RFTN1: variants seen among roughly 807,000 people sequenced by gnomAD.
RFTN1 encodes raftlin, lipid raft linker 1.
In RFTN1, 26 loss-of-function variants were observed where a neutral mutation model predicts 46.5. That is an observed-to-expected ratio of 0.56 (90% CI 0.41 to 0.78). The LOEUF (loss-of-function observed/expected upper bound fraction) is 0.78, where lower values mean the gene tolerates loss of function less well. RFTN1 is among the 30% of genes least tolerant of loss of function. The probability of loss-of-function intolerance (pLI) is 0.00; values close to 1 mark genes in which losing one functional copy is unlikely to be tolerated. For synonymous variants in RFTN1, 261 were observed against 284.2 expected (o/e 0.92, Z 0.82); for missense variants, 693 against 718.7 (o/e 0.96, Z 0.41).
At chr3:16,350,715 G>C (rs1259371029) in intron 7 of RFTN1, among the ~76,000 whole-genome samples, 1 of 152,152 alleles carries the variant, frequency 6.6e-6, no homozygotes, top group Non-Finnish European at 1.5e-5. Flanking sequence ...GGAGGGGTTT[G>C]GGTGTTGATT....
intron 6 of RFTN1, among the ~76,000 whole-genome samples, chr3:16,367,120 G>A (rs2073235412): frequency 8.0e-6 from 1 of 125,548 alleles, no homozygotes; most frequent in Admixed American, 7.6e-5. Flanking sequence ...ATGACCCTGT[G>A]GAAAATATTT....
rs1344991462 is a variant in RFTN1, at chr3:16,321,820, A to G, written c.1332+1556T>C. Among the ~76,000 whole-genome samples, 1 of 152,188 alleles carries G rather than the reference A, an allele frequency of 6.6e-6. No homozygotes were observed. Among genetic ancestry groups the G allele is most frequent in the African/African-American group, 2.4e-5 (1 of 41,432 alleles). The stretch of plus-strand genomic sequence containing the variant: ...AATTTTCCCTGAGGAGAGTCAGTTC[A>G]ACCTTATTACAGCAGCTTTTACAAA... On this transcript the variant is annotated intron_variant, in intron 9 of 9. Coordinates refer to ENST00000334133, the MANE Select transcript of RFTN1 (RefSeq NM_015150.2). This position sits in a 1 kb window ranked among gnomAD's most constrained non-coding sequence, Gnocchi z 4.8.
chr3:16,403,586 TTATATATATAATATATAA>T (rs1369513253), intron 4 of RFTN1, among the ~76,000 whole-genome samples: 1 of 88,332 alleles, frequency 1.1e-5, no homozygotes, highest in Non-Finnish European at 2.0e-5. Context: ...ATATTATATT[TTATATATATAATATATAA>T]TATATATATA....
chr3:16,368,012 T>C (rs1177890760), intron 6 of RFTN1, among the ~76,000 whole-genome samples: 1 of 152,086 alleles, frequency 6.6e-6, no homozygotes, highest in East Asian at 1.9e-4. Context: ...ACCATCAGTT[T>C]CCTAGGGAGG....
chr3:16,387,347 C>A lies in RFTN1; in HGVS notation c.442-9245G>T, dbSNP rs1182551855. Reference sequence around the variant, plus strand: ...GCTTTCTCCCCTCTGCTGGGTCCCACCCTCTCCCCACTTTCCCACCACCTC... The same window carrying A: ...GCTTTCTCCCCTCTGCTGGGTCCCAACCTCTCCCCACTTTCCCACCACCTC... On this transcript the variant is annotated intron_variant, in intron 4 of 9. Transcript: ENST00000334133. The surrounding 1 kb of genome is among the most constrained non-coding windows in gnomAD (Gnocchi z 5.2). 6.6e-6 allele frequency among the ~76,000 whole-genome samples: 1 copy of A among 152,198 alleles called. No homozygotes were observed. Among genetic ancestry groups the A allele is most frequent in the Non-Finnish European group, 1.5e-5 (1 of 68,036 alleles).
chr3:16,317,008 C>T lies in RFTN1; in HGVS notation c.1557G>A (p.Gln519=). 6.2e-7 allele frequency: 1 copy of T among 1,613,746 alleles called. No homozygotes were observed. The highest frequency in any genetic ancestry group is 8.5e-7 in the Non-Finnish European group (1 of 1,179,934). ...CACACAGCAGGCCACCAGGGGACAG[C>T]TGTTCTCCCTTGTCCTCTTGGACAG... ...KGPVQEDKGE[Q]LSPGGLLCGV... is the part of the protein sequence containing the mutation. Residue 519 remains glutamine, a synonymous_variant, in exon 10 of 10, where the codon CAG becomes CAA. Transcript: ENST00000334133. This position sits in a 1 kb window ranked among gnomAD's most constrained non-coding sequence, Gnocchi z 4.3.
chr3:16,418,257 T>C lies in RFTN1; in HGVS notation c.333-8774A>G, dbSNP rs1427313954. Among the ~76,000 whole-genome samples, 1 of 152,196 alleles carries C rather than the reference T, an allele frequency of 6.6e-6. No individual in the cohort carries two copies. Among genetic ancestry groups the C allele is most frequent in the Non-Finnish European group, 1.5e-5 (1 of 68,026 alleles). The stretch of plus-strand genomic sequence containing the variant: ...GAGGCCACTAAAAAACAATTGCCTG[T>C]CGAAAAACTATTATAAACTATACTT... On this transcript the variant is annotated intron_variant, in intron 3 of 9. Transcript: ENST00000334133. The surrounding 1 kb of genome is among the most constrained non-coding windows in gnomAD (Gnocchi z 5.0).
chr3:16,323,322 C>G, intron 9 of RFTN1, 54 bp downstream of exon 9: 1 of 1,333,258 alleles, frequency 7.5e-7, no homozygotes, highest in Non-Finnish European at 1.1e-6. Flanking sequence ...AGAAAATCCA[C>G]TGAAGATGAA....
At position 16,458,223 on chromosome 3, in the gene RFTN1, G is replaced by C. The variant is rs376938425; in HGVS notation, c.146-24186C>G. Among the ~76,000 whole-genome samples the C allele has an allele frequency of 2.6e-5, 4 of 152,186 alleles. No individual in the cohort carries two copies. The highest frequency in any genetic ancestry group is 5.9e-5 in the Non-Finnish European group (4 of 68,048). ...CCATGCTTGTGTTAGGTACCAGGAA[G>C]ATAAAAGGAAACAAGATGAGATGAT... On this transcript the variant is annotated intron_variant, in intron 2 of 9. Coordinates refer to ENST00000334133, the MANE Select transcript of RFTN1 (RefSeq NM_015150.2). This position sits in a 1 kb window ranked among gnomAD's most constrained non-coding sequence, Gnocchi z 5.1.
chr3:16,406,388 T>C (rs973409669), intron 4 of RFTN1, among the ~76,000 whole-genome samples: 4 of 152,130 alleles, frequency 2.6e-5, no homozygotes, highest in African/African-American at 9.7e-5. Flanking sequence ...TAACAGACAA[T>C]GCGGGGGCAA....
rs372585207 is a variant in RFTN1 at position 16,330,754 on chromosome 3, A to G, written c.1147-3878T>C. ...TAATTTCTCCAGTGATTGCAAATCA[A>G]CTAAAGAAATAGACATCCTACACAA... On this transcript the variant is annotated intron_variant, in intron 7 of 9. Transcript: ENST00000334133. Among the ~76,000 whole-genome samples the G allele has an allele frequency of 7.9e-5, 12 of 152,368 alleles. 2 individuals carry two copies. The highest frequency in any genetic ancestry group is 1.9e-4 in the East Asian group (1 of 5,194).
In RFTN1 at chr3:16,448,397, C is replaced by A. The variant is rs113712927; in HGVS notation, c.146-14360G>T. On this transcript the variant is annotated intron_variant, in intron 2 of 9. Transcript: ENST00000334133. This position sits in a 1 kb window ranked among gnomAD's most constrained non-coding sequence, Gnocchi z 4.1. ...TCCCTTGTTGACTTTTATGGAGGTG[C>A]CAATTTAATTCCTTTTTCAACATTC... Among the ~76,000 whole-genome samples, 94 of 152,190 alleles carry A rather than the reference C, an allele frequency of 6.2e-4. No individual in the cohort carries two copies. Among genetic ancestry groups the A allele is most frequent in the African/African-American group, 2.2e-3 (90 of 41,542 alleles).
At chr3:16,510,175 T>C (rs1322761386) in intron 1 of RFTN1, among the ~76,000 whole-genome samples, 1 of 152,154 alleles carries the variant, frequency 6.6e-6, no homozygotes, top group Non-Finnish European at 1.5e-5. Context: ...ATTCTCTGAG[T>C]CTTAACAAAG....
chr3:16,425,478 AC>A lies in RFTN1; in HGVS notation c.332+8372del, dbSNP rs57932570. Among the ~76,000 whole-genome samples the A allele has an allele frequency of 0.077, 11,756 of 152,154 alleles. 1,101 individuals carry two copies. Among genetic ancestry groups the A allele is most frequent in the African/African-American group, 0.23 (9,360 of 41,410 alleles). On this transcript the variant is annotated intron_variant, in intron 3 of 9. Coordinates refer to ENST00000334133, the MANE Select transcript of RFTN1 (RefSeq NM_015150.2). This position sits in a 1 kb window ranked among gnomAD's most constrained non-coding sequence, Gnocchi z 4.3. ...TCTCTCTCTCAGAAGAAACAAACAAACAAAAAATAAATAAAATGTGAGGAAA... is the reference window on the plus strand; with the variant it reads ...TCTCTCTCTCAGAAGAAACAAACAAAAAAAAATAAATAAAATGTGAGGAAA...
intron 8 of RFTN1, among the ~76,000 whole-genome samples, chr3:16,324,448 C>G (rs1325974787): frequency 6.6e-6 from 1 of 152,108 alleles, no homozygotes; most frequent in African/African-American, 2.4e-5. Context: ...CGCCCCACTC[C>G]CCAGCCTCTG....
At chr3:16,503,009 T>C (rs1340853663) in intron 1 of RFTN1, among the ~76,000 whole-genome samples, 3 of 152,208 alleles carry the variant, frequency 2.0e-5, no homozygotes, top group Admixed American at 2.0e-4. Flanking sequence ...GCGGCCAAGT[T>C]TTGGTGTAAT....
chr3:16,405,385 G>C lies in RFTN1; in HGVS notation c.441+3990C>G, dbSNP rs2074827992. ...TGTGGTCCATAATAACTTACATAAA[G>C]GGCCAATAGGATGGAACACAGCAGG... On this transcript the variant is annotated intron_variant, in intron 4 of 9. Transcript: ENST00000334133. 2.0e-5 allele frequency among the ~76,000 whole-genome samples: 3 copies of C among 152,170 alleles called. No individual in the cohort carries two copies. The South Asian group carries it at 6.2e-4, about 32-fold the overall frequency.
At chr3:16,398,220 C>G (rs893016453) in intron 4 of RFTN1, among the ~76,000 whole-genome samples, 4 of 137,394 alleles carry the variant, frequency 2.9e-5, no homozygotes, top group Admixed American at 8.5e-5. Context: ...GCACTCCAGC[C>G]TGGGTGACAG....
intron 4 of RFTN1, among the ~76,000 whole-genome samples, chr3:16,390,445 A>G (rs2074317341): frequency 6.8e-6 from 1 of 147,852 alleles, no homozygotes; most frequent in Admixed American, 6.9e-5. Context: ...GTGATGGTGC[A>G]TCCAAACTGC....
Sources: gnomAD v4.1 joint callset for allele counts (sites outside exome capture counted in the v4.1 genomes callset) on GRCh38, gnomAD v4.1.1 for gene constraint, Gnocchi (gnomAD v3.1) non-coding constraint, MANE v1.5 for transcripts, NCBI Gene and HGNC (gene_info 2026-07-23, HGNC 2026-07-21) for gene names.